PRR16: variants seen among roughly 807,000 people sequenced by gnomAD.
PRR16 encodes protein Largen.
PRR16 carries 6 observed loss-of-function variants against 18.2 expected under a neutral mutation model. That is an observed-to-expected ratio of 0.33 (90% CI 0.18 to 0.65). The LOEUF is 0.65. Ranked by LOEUF, PRR16 falls within the 30% of genes least tolerant of loss-of-function variation. The pLI, the probability that PRR16 is intolerant of heterozygous loss-of-function variation, is 0.74. For missense variants in PRR16, 412 were observed against 376.6 expected (o/e 1.09, Z -0.78); for synonymous variants, 151 against 147.8 (o/e 1.02, Z -0.16).
chr5:120,530,923 C>A, intron 1 of PRR16, among the ~76,000 whole-genome samples: 1 of 152,126 alleles, frequency 6.6e-6, no homozygotes, highest in East Asian at 1.9e-4. Flanking sequence ...TAGAATCTTG[C>A]AATTTTACCT....
chr5:120,708,376 A>G, the PRR16 span, among the ~76,000 whole-genome samples: 3 of 152,202 alleles, frequency 2.0e-5, no homozygotes, highest in African/African-American at 2.4e-5. Flanking sequence ...ATTTATCTCA[A>G]CTTTTCAATA....
At chr5:120,521,438 T>A (rs573426690) in intron 1 of PRR16, among the ~76,000 whole-genome samples, 1 of 152,266 alleles carries the variant, frequency 6.6e-6, no homozygotes, top group South Asian at 2.1e-4. Context: ...ATGACCTGTA[T>A]ATGTATAAGA....
intron 1 of PRR16, among the ~76,000 whole-genome samples, chr5:120,491,303 A>T (rs6893168): frequency 0.072 from 11,032 of 152,192 alleles, 935 homozygotes; most frequent in African/African-American, 0.21. Flanking sequence ...TTTCTGGGAA[A>T]TCTGTAAGCC....
chr5:120,750,277 A>T, the PRR16 span, among the ~76,000 whole-genome samples: 2 of 152,130 alleles, frequency 1.3e-5, no homozygotes, highest in African/African-American at 2.4e-5. Flanking sequence ...TCCTGATATG[A>T]TACAAGCCAA....
At chr5:120,668,314 T>A (rs1756468342) in intron 1 of PRR16, among the ~76,000 whole-genome samples, 1 of 151,334 alleles carries the variant, frequency 6.6e-6, no homozygotes, top group Non-Finnish European at 1.5e-5. Flanking sequence ...TTGGTAGATC[T>A]TCCTCCATCC....
chr5:120,577,933 C>A (rs1042109204), intron 1 of PRR16, among the ~76,000 whole-genome samples: 1 of 152,258 alleles, frequency 6.6e-6, no homozygotes, highest in Middle Eastern at 3.4e-3. Context: ...TGTGTGTAAA[C>A]TAGCACTTTC....
intron 1 of PRR16, among the ~76,000 whole-genome samples, chr5:120,489,167 T>A (rs191598988): frequency 3.7e-4 from 57 of 152,342 alleles, no homozygotes; most frequent in African/African-American, 1.2e-3. Flanking sequence ...GTCTATTAGG[T>A]CCACTTGGTG....
At chr5:120,618,102 C>T (rs1754573730) in intron 1 of PRR16, among the ~76,000 whole-genome samples, 1 of 151,974 alleles carries the variant, frequency 6.6e-6, no homozygotes, top group African/African-American at 2.4e-5. Flanking sequence ...CAAATTTTTC[C>T]ACTTGTAGAT....
chr5:120,479,065 T>C (rs1433571393), intron 1 of PRR16, among the ~76,000 whole-genome samples: 2 of 152,142 alleles, frequency 1.3e-5, no homozygotes, highest in Non-Finnish European at 2.9e-5. Context: ...TTCTCTTTTA[T>C]ATACTTCCTC....
chr5:120,767,818 C>G, the PRR16 span, among the ~76,000 whole-genome samples: 1 of 151,734 alleles, frequency 6.6e-6, no homozygotes, highest in African/African-American at 2.4e-5. Flanking sequence ...TATATCTCAT[C>G]CCAATTCCAA....
the PRR16 span, among the ~76,000 whole-genome samples, chr5:120,712,577 T>C: frequency 2.6e-4 from 40 of 152,258 alleles, no homozygotes; most frequent in African/African-American, 9.6e-4. Flanking sequence ...TATAAATATA[T>C]GTTTAATATT....
At chr5:120,702,298 G>A in the PRR16 span, among the ~76,000 whole-genome samples, 2,491 of 149,292 alleles carry the variant, frequency 0.017, 66 homozygotes, top group African/African-American at 0.057. Context: ...GGATTGGGGC[G>A]CCGAGATAAG....
the PRR16 span, among the ~76,000 whole-genome samples, chr5:120,770,008 G>GA: frequency 6.6e-6 from 1 of 151,636 alleles, no homozygotes; most frequent in Non-Finnish European, 1.5e-5. Flanking sequence ...TGTCTTCTTT[G>GA]AAAAAAATGT....
intron 1 of PRR16, among the ~76,000 whole-genome samples, chr5:120,589,699 A>G (rs2168214): frequency 3.9e-5 from 6 of 151,990 alleles, no homozygotes; most frequent in Admixed American, 6.6e-5. Flanking sequence ...ATCAGATCTC[A>G]TAAGACTTAT....
At chr5:120,779,168 A>C in the PRR16 span, among the ~76,000 whole-genome samples, 1 of 152,152 alleles carries the variant, frequency 6.6e-6, no homozygotes, top group African/African-American at 2.4e-5. Context: ...GGAGGGATAA[A>C]TATCACAGCC....
At chr5:120,504,909 C>T (rs1187099548) in intron 1 of PRR16, among the ~76,000 whole-genome samples, 10 of 152,074 alleles carry the variant, frequency 6.6e-5, no homozygotes, top group Non-Finnish European at 2.9e-5. Flanking sequence ...CTTGCATCTT[C>T]AAGGATTTGA....
chr5:120,656,462 A>G (rs1357799483), intron 1 of PRR16, among the ~76,000 whole-genome samples: 1 of 124,988 alleles, frequency 8.0e-6, no homozygotes, highest in Non-Finnish European at 1.7e-5. Context: ...AGTAGTAATC[A>G]CTCTCAAAAA....
intron 1 of PRR16, among the ~76,000 whole-genome samples, chr5:120,521,755 T>C (rs1244609207): frequency 5.3e-5 from 8 of 152,154 alleles, no homozygotes; most frequent in African/African-American, 1.9e-4. Flanking sequence ...ATGTGCCATG[T>C]TGGTGTGCTG....
chr5:120,513,062 C>T (rs892823653), intron 1 of PRR16, among the ~76,000 whole-genome samples: 2 of 152,042 alleles, frequency 1.3e-5, no homozygotes, highest in Non-Finnish European at 2.9e-5. Flanking sequence ...GGGAGGCTTC[C>T]GTTCGGAAAT....
Sources: gnomAD v4.1 joint callset for allele counts (sites outside exome capture counted in the v4.1 genomes callset) on GRCh38, gnomAD v4.1.1 for gene constraint, MANE v1.5 for transcripts, NCBI Gene and HGNC (gene_info 2026-07-23, HGNC 2026-07-21) for gene names.